FAM13A: variants seen among roughly 807,000 people sequenced by gnomAD.
The protein encoded by FAM13A is family with sequence similarity 13 member A.
FAM13A carries 76 observed loss-of-function variants against 129.6 expected under a neutral mutation model. That is an observed-to-expected ratio of 0.59 (90% CI 0.49 to 0.71). The LOEUF (loss-of-function observed/expected upper bound fraction) is 0.71. Among genes scored for constraint, FAM13A ranks in the 30% least tolerant of loss-of-function variants. The pLI is 0.00. For missense variants in FAM13A, 1,108 were observed against 1,249.3 expected, an observed-to-expected ratio of 0.89 and a Z score of 1.70; for synonymous variants, 443 against 449.9, an observed-to-expected ratio of 0.98 and a Z score of 0.20.
chr4:88,999,238 T>A (rs1358964413), intron 3 of FAM13A, among the ~76,000 whole-genome samples: 1 of 152,172 alleles, frequency 6.6e-6, no homozygotes, highest in Non-Finnish European at 1.5e-5. Flanking sequence ...CATATTTATT[T>A]TGTGAGTATT....
intron 4 of FAM13A, among the ~76,000 whole-genome samples, chr4:88,955,495 T>C (rs561560734): frequency 6.6e-6 from 1 of 152,268 alleles, no homozygotes; most frequent in South Asian, 2.1e-4. Context: ...TACCGGGTAG[T>C]GGAGCGCTGC....
chr4:88,979,614 C>T, intron 4 of FAM13A, among the ~76,000 whole-genome samples: 1 of 152,136 alleles, frequency 6.6e-6, no homozygotes, highest in Non-Finnish European at 1.5e-5. Flanking sequence ...TACAAAGCAT[C>T]TATAACATTA....
intron 3 of FAM13A, among the ~76,000 whole-genome samples, chr4:89,019,053 C>T (rs1766896055): frequency 6.6e-6 from 1 of 152,218 alleles, no homozygotes; most frequent in Non-Finnish European, 1.5e-5. Context: ...GGAGGCATTG[C>T]TGATGTGAGG....
At chr4:88,863,770 G>C (rs530601545) in intron 6 of FAM13A, among the ~76,000 whole-genome samples, 1 of 152,188 alleles carries the variant, frequency 6.6e-6, no homozygotes, top group African/African-American at 2.4e-5. Context: ...GATGTAGAAA[G>C]AAAAAGAGTT....
At chr4:88,921,731 C>G (rs1041119084) in intron 5 of FAM13A, among the ~76,000 whole-genome samples, 1 of 152,116 alleles carries the variant, frequency 6.6e-6, no homozygotes. Flanking sequence ...GGACTAAATG[C>G]TCCAATTAAA....
intron 5 of FAM13A, 134 bp downstream of exon 5, chr4:88,937,954 T>C: frequency 1.6e-6 from 1 of 632,296 alleles, no homozygotes; most frequent in Non-Finnish European, 2.7e-6. Context: ...ATAGATTTCA[T>C]AAGAAGGATT....
intron 3 of FAM13A, among the ~76,000 whole-genome samples, chr4:88,996,718 T>G (rs1281179770): frequency 6.6e-6 from 1 of 151,794 alleles, no homozygotes; most frequent in Non-Finnish European, 1.5e-5. Flanking sequence ...GCCAGGAAGG[T>G]CTCCTTGAAA....
intron 7 of FAM13A, among the ~76,000 whole-genome samples, chr4:88,841,309 C>T (rs1180553975): frequency 6.6e-6 from 1 of 151,984 alleles, no homozygotes; most frequent in Non-Finnish European, 1.5e-5. Flanking sequence ...GCCTGACCAA[C>T]ATGGTGAAAC....
intron 18 of FAM13A, among the ~76,000 whole-genome samples, chr4:88,747,298 A>C (rs1219984963): frequency 6.6e-6 from 1 of 152,134 alleles, no homozygotes; most frequent in Admixed American, 6.6e-5. Flanking sequence ...GGCTTAGCTT[A>C]ATGGCCCAAG....
At chr4:88,911,906 T>G (rs1749141871) in intron 5 of FAM13A, among the ~76,000 whole-genome samples, 1 of 152,246 alleles carries the variant, frequency 6.6e-6, no homozygotes, top group Admixed American at 6.5e-5. Flanking sequence ...CTTTCTCTAC[T>G]TCCTCACCTC....
intron 1 of FAM13A, among the ~76,000 whole-genome samples, chr4:89,042,756 T>C (rs1445869519): frequency 1.0e-5 from 1 of 97,320 alleles, no homozygotes; most frequent in Non-Finnish European, 2.3e-5. Context: ...TCTCTTTATG[T>C]TTTTTTCTAT....
rs1285645751 is a variant in FAM13A at position 88,746,995 on chromosome 4, A to G, written c.2403T>C (p.Ile801=). 1.2e-6 allele frequency: 2 copies of G among 1,612,762 alleles called. No homozygotes were observed. The highest frequency in any genetic ancestry group is 2.2e-5 in the South Asian group (2 of 91,054). Residue 801 remains isoleucine (I), a synonymous_variant, in exon 19 of 24, where the codon ATT becomes ATC. Transcript: ENST00000264344. ...TCTGCAGAGCCACTTTCTCATTAGC[A>G]ATCTGGTCTTTGGTCATATCCTGTA... ...EDIKDMTKDQ[I]ANEKVALQKA...
At chr4:88,761,243 G>A (rs1744757949) in intron 13 of FAM13A, among the ~76,000 whole-genome samples, 1 of 152,100 alleles carries the variant, frequency 6.6e-6, no homozygotes, top group African/African-American at 2.4e-5. Context: ...ATGGTGTCTG[G>A]GGGCAGGAGA....
chr4:88,870,557 T>C (rs528090775), intron 6 of FAM13A, among the ~76,000 whole-genome samples: 97 of 152,316 alleles, frequency 6.4e-4, no homozygotes, highest in African/African-American at 2.2e-3. Context: ...GAGATTGAAC[T>C]GCAAGGTGAA....
intron 3 of FAM13A, among the ~76,000 whole-genome samples, chr4:89,013,301 A>T (rs909495539): frequency 2.0e-5 from 3 of 148,604 alleles, no homozygotes; most frequent in East Asian, 3.9e-4. Context: ...TATATATATA[A>T]AACACAGTAT....
At chr4:88,843,399 C>T (rs774333598) in intron 7 of FAM13A, among the ~76,000 whole-genome samples, 12 of 152,170 alleles carry the variant, frequency 7.9e-5, no homozygotes, top group Non-Finnish European at 1.8e-4. Flanking sequence ...TCTAAGAATC[C>T]TTGCTTCATT....
At chr4:88,777,952 A>G (rs1722103618) in intron 11 of FAM13A, among the ~76,000 whole-genome samples, 1 of 152,128 alleles carries the variant, frequency 6.6e-6, no homozygotes, top group Admixed American at 6.5e-5. Context: ...TAAGACACCA[A>G]ACTTACCTCA....
At chr4:89,024,072 A>T (rs1767622642) in intron 2 of FAM13A, among the ~76,000 whole-genome samples, 1 of 152,246 alleles carries the variant, frequency 6.6e-6, no homozygotes, top group Admixed American at 6.5e-5. Flanking sequence ...AGAAAAAATT[A>T]TATAAGCTAA....
intron 1 of FAM13A, among the ~76,000 whole-genome samples, chr4:89,047,936 T>G (rs556360991): frequency 6.6e-6 from 1 of 152,266 alleles, no homozygotes; most frequent in African/African-American, 2.4e-5. Flanking sequence ...GAAATTGAGA[T>G]AGCACTACTA....
Sources: allele counts gnomAD v4.1 joint callset (sites outside exome capture counted in the v4.1 genomes callset), GRCh38; gene constraint gnomAD v4.1.1; transcripts MANE v1.5; gene names NCBI Gene and HGNC (gene_info 2026-07-23, HGNC 2026-07-21).